The following RHBDD1 variants were observed in gnomAD, a reference collection of about 807,000 sequenced individuals.
RHBDD1 encodes rhomboid-related protein 4.
A neutral mutation model predicts 36.3 loss-of-function variants in RHBDD1; 38 were observed. The ratio of observed to expected loss-of-function variants is 1.05; its 90% CI spans 0.81 to 1.37. The LOEUF (loss-of-function observed/expected upper bound fraction) is 1.37, where lower values mean the gene tolerates loss of function less well. Ranked by LOEUF, RHBDD1 falls within the 40% of genes most tolerant of loss-of-function variation. The pLI is 0.00. For missense variants in RHBDD1, 393 were observed against 377.6 expected, an observed-to-expected ratio of 1.04 and a Z score of -0.34; for synonymous variants, 151 against 136.5, an observed-to-expected ratio of 1.11 and a Z score of -0.74.
chr2:226,932,163 C>T lies in RHBDD1; in HGVS notation c.856+17812C>T, dbSNP rs144737654. On this transcript the variant is annotated intron_variant, in intron 8 of 8. Transcript: ENST00000392062. ...ATAGTTTTTCTTTTTTATTAGCATA[C>T]TATATTACTTTGATTTTCAAAGCCA... Among the ~76,000 whole-genome samples, 15 of 152,100 alleles carry T rather than the reference C, an allele frequency of 9.9e-5. No homozygotes were observed. In the East Asian group the frequency reaches 2.9e-3, roughly 29 times the overall value.
chr2:226,947,686 A>C (rs1642455361), intron 8 of RHBDD1, among the ~76,000 whole-genome samples: 1 of 152,212 alleles, frequency 6.6e-6, no homozygotes, highest in South Asian at 2.1e-4. Flanking sequence ...CAAAGGGCTA[A>C]TATCCAGAAT....
In RHBDD1 at chr2:226,965,159, C is replaced by T. The variant is rs182728872; in HGVS notation, c.857-30272C>T. The stretch of plus-strand genomic sequence containing the variant: ...TAGGGTCAGGTGTCCTGATAAGAGA[C>T]AGAAATGGAGAAAGCAGACACAGAT... On this transcript the variant is annotated intron_variant, in intron 8 of 8. Transcript: ENST00000392062. Among the ~76,000 whole-genome samples, 4 of 152,152 alleles carry T rather than the reference C, an allele frequency of 2.6e-5. No homozygotes were observed. The East Asian group carries it at 7.7e-4, about 29-fold the overall frequency.
chr2:226,837,737 G>A (rs1050093152), intron 1 of RHBDD1: 4 of 152,192 alleles, frequency 2.6e-5, no homozygotes, highest in African/African-American at 7.2e-5. Context: ...GTTTCACCAC[G>A]TTTGCCAAGC....
At chr2:226,802,377 TTTTACTACCAA>T in the RHBDD1 span, among the ~76,000 whole-genome samples, 2 of 152,210 alleles carry the variant, frequency 1.3e-5, no homozygotes, top group Admixed American at 6.5e-5. Flanking sequence ...CTTGCTGATG[TTTTACTACCAA>T]TTTAAAGGTG....
At chr2:226,923,773 T>G (rs1434993278) in intron 8 of RHBDD1, among the ~76,000 whole-genome samples, 2 of 152,024 alleles carry the variant, frequency 1.3e-5, no homozygotes, top group African/African-American at 4.8e-5. Flanking sequence ...TTTCTTCTGC[T>G]TGGTCAATTG....
At chr2:226,981,067 G>A (rs1471300572) in intron 8 of RHBDD1, among the ~76,000 whole-genome samples, 5 of 152,176 alleles carry the variant, frequency 3.3e-5, no homozygotes, top group African/African-American at 1.2e-4. Context: ...GGATGGGCTT[G>A]TTTGTAAGAG....
At chr2:226,917,021 AG>A (rs983590135) in intron 8 of RHBDD1, among the ~76,000 whole-genome samples, 1 of 152,204 alleles carries the variant, frequency 6.6e-6, no homozygotes. Context: ...CTAGGTACAA[AG>A]GAAGGGCTTA....
chr2:226,895,004 G>C (rs2195487), intron 5 of RHBDD1, among the ~76,000 whole-genome samples: 64,956 of 152,040 alleles, frequency 0.43, 13,967 homozygotes, highest in South Asian at 0.52. Flanking sequence ...TGAGTGGCTA[G>C]AGCCCAGGGT....
intron 8 of RHBDD1, chr2:226,969,007 G>A (rs1249267980): frequency 9.9e-6 from 2 of 202,754 alleles, no homozygotes; most frequent in Admixed American, 9.0e-5. Flanking sequence ...CCAAGGTATG[G>A]ACCAGTCATG....
chr2:226,978,200 C>T (rs142463120), intron 8 of RHBDD1, among the ~76,000 whole-genome samples: 10 of 152,328 alleles, frequency 6.6e-5, no homozygotes, highest in Admixed American at 6.5e-4. Flanking sequence ...GACTAAACAG[C>T]AACACATTTT....
intron 8 of RHBDD1, among the ~76,000 whole-genome samples, chr2:226,942,845 G>T (rs1017402284): frequency 1.4e-4 from 21 of 152,090 alleles, no homozygotes; most frequent in African/African-American, 4.6e-4. Flanking sequence ...TAATAGAAAA[G>T]AATAAATGTG....
chr2:226,829,312 C>A, the RHBDD1 span, among the ~76,000 whole-genome samples: 1 of 152,080 alleles, frequency 6.6e-6, no homozygotes, highest in Non-Finnish European at 1.5e-5. Context: ...ATAATTCCTC[C>A]AACTTTATTC....
intron 8 of RHBDD1, among the ~76,000 whole-genome samples, chr2:226,927,264 C>G (rs1470220051): frequency 6.6e-6 from 1 of 151,954 alleles, no homozygotes; most frequent in African/African-American, 2.4e-5. Flanking sequence ...TCATCTCTTT[C>G]TATTAACTAT....
chr2:226,928,196 T>A (rs908546916), intron 8 of RHBDD1, among the ~76,000 whole-genome samples: 6 of 151,984 alleles, frequency 3.9e-5, no homozygotes, highest in African/African-American at 1.4e-4. Context: ...AAAATGACTA[T>A]CAGTTCTCCA....
chr2:226,810,079 G>A, the RHBDD1 span, among the ~76,000 whole-genome samples: 73 of 152,272 alleles, frequency 4.8e-4, no homozygotes, highest in African/African-American at 1.6e-3. Context: ...GGCATTAGGA[G>A]TGGCAACTCC....
At chr2:226,935,796 T>A (rs1950293930) in intron 8 of RHBDD1, among the ~76,000 whole-genome samples, 1 of 152,112 alleles carries the variant, frequency 6.6e-6, no homozygotes, top group Non-Finnish European at 1.5e-5. Flanking sequence ...AGATGAAAGA[T>A]CTCTGAAAGA....
At chr2:226,903,864 A>C (rs528059754) in intron 5 of RHBDD1, among the ~76,000 whole-genome samples, 1 of 152,306 alleles carries the variant, frequency 6.6e-6, no homozygotes, top group African/African-American at 2.4e-5. Context: ...GAGCAGAAGA[A>C]TAGCAGAACG....
intron 3 of RHBDD1, among the ~76,000 whole-genome samples, chr2:226,849,977 C>T (rs746041348): frequency 8.5e-5 from 13 of 152,174 alleles, no homozygotes; most frequent in Non-Finnish European, 1.6e-4. Context: ...GTGTTGGTCA[C>T]CTCCCAAATA....
At position 226,930,875 on chromosome 2, in the gene RHBDD1, G is replaced by A. The variant is rs116532333; in HGVS notation, c.856+16524G>A. On this transcript the variant is annotated intron_variant, in intron 8 of 8. Coordinates refer to ENST00000392062, the MANE Select transcript of RHBDD1 (RefSeq NM_001167608.3). The stretch of plus-strand genomic sequence containing the variant: ...TAATACATACAAATGACCAAGAAAC[G>A]TATGAAAAAAATGCTTAACATCACT... Among the ~76,000 whole-genome samples, 441 of 151,794 alleles carry A rather than the reference G, an allele frequency of 2.9e-3. 2 individuals are homozygous for A. The highest frequency in any genetic ancestry group is 8.6e-3 in the African/African-American group (357 of 41,466).
Sources: allele counts gnomAD v4.1 joint callset (sites outside exome capture counted in the v4.1 genomes callset), GRCh38; gene constraint gnomAD v4.1.1; transcripts MANE v1.5; gene names NCBI Gene and HGNC (gene_info 2026-07-23, HGNC 2026-07-21).